Variants in UBR3 observed in about 807,000 individuals in gnomAD.
The protein encoded by UBR3 is E3 ubiquitin-protein ligase UBR3.
A neutral mutation model predicts 243.2 loss-of-function variants in UBR3; 85 were observed. That is an observed-to-expected ratio of 0.35 (90% CI 0.29 to 0.42). The LOEUF (loss-of-function observed/expected upper bound fraction) is 0.42, where lower values mean the gene tolerates loss of function less well. Ranked by LOEUF, UBR3 falls within the 10% of genes least tolerant of loss-of-function variation. UBR3 has a pLI of 1.00. For synonymous variants in UBR3, 748 were observed against 799.8 expected, an observed-to-expected ratio of 0.94 and a Z score of 1.09; for missense variants, 1,686 against 2,300.8, an observed-to-expected ratio of 0.73 and a Z score of 5.47.
At chr2:169,873,512 T>C (rs1048953530) in intron 2 of UBR3, among the ~76,000 whole-genome samples, 15 of 151,946 alleles carry the variant, frequency 9.9e-5, no homozygotes, top group African/African-American at 3.6e-4. Flanking sequence ...TTACAAACAT[T>C]TTTAAAAGTT....
intron 5 of UBR3, among the ~76,000 whole-genome samples, chr2:169,881,096 G>A (rs2083802963): frequency 1.3e-5 from 2 of 152,084 alleles, no homozygotes; most frequent in African/African-American, 4.8e-5. Context: ...CATTGTTTTT[G>A]TTATAGCTGA....
rs558058541 is a variant in UBR3, at chr2:169,842,269, G to C, written c.545+14217G>C. 7.8e-4 allele frequency among the ~76,000 whole-genome samples: 119 copies of C among 152,162 alleles called. 1 individual carries two copies. In the Middle Eastern group the frequency reaches 0.017, roughly 22 times the overall value. On this transcript the variant is annotated intron_variant, in intron 1 of 38. Coordinates refer to ENST00000272793, the MANE Select transcript of UBR3 (RefSeq NM_172070.4). ...TGGGGCCTTGGAGAACCTGTGTGTCGAAACTCTGTATCTAACTAATCTGAT... is the reference window on the plus strand; with the variant it reads ...TGGGGCCTTGGAGAACCTGTGTGTCCAAACTCTGTATCTAACTAATCTGAT...
intron 24 of UBR3, among the ~76,000 whole-genome samples, chr2:169,974,115 A>G (rs2088307990): frequency 6.6e-6 from 1 of 152,170 alleles, no homozygotes; most frequent in Admixed American, 6.5e-5. Context: ...TGTGTTCATC[A>G]GGGATATTGG....
intron 13 of UBR3, 131 bp downstream of exon 13, chr2:169,924,304 A>T: frequency 4.4e-6 from 3 of 679,586 alleles, no homozygotes; most frequent in East Asian, 3.0e-5. Context: ...TTGTTATTGT[A>T]TTTTTGCTAG....
At chr2:169,929,140 A>G (rs767407418) in intron 18 of UBR3, among the ~76,000 whole-genome samples, 3 of 152,210 alleles carry the variant, frequency 2.0e-5, no homozygotes, top group East Asian at 1.9e-4. Flanking sequence ...TTTATAAGTG[A>G]TCATAACCAT....
chr2:170,022,124 C>A (rs563966740), intron 30 of UBR3, among the ~76,000 whole-genome samples: 1 of 152,256 alleles, frequency 6.6e-6, no homozygotes, highest in African/African-American at 2.4e-5. Flanking sequence ...TATGCAGAAG[C>A]AGAATTGTCC....
intron 3 of UBR3, among the ~76,000 whole-genome samples, chr2:169,876,820 T>A (rs1559047766): frequency 6.6e-6 from 1 of 152,150 alleles, no homozygotes; most frequent in Non-Finnish European, 1.5e-5. Flanking sequence ...AGCCTTGGCC[T>A]CCTAAAGTGC....
At chr2:169,903,782 A>G (rs967595759) in intron 8 of UBR3, among the ~76,000 whole-genome samples, 1 of 152,146 alleles carries the variant, frequency 6.6e-6, no homozygotes, top group Non-Finnish European at 1.5e-5. Context: ...GCTACTGAGG[A>G]GGCTGAGGTG....
intron 35 of UBR3, among the ~76,000 whole-genome samples, chr2:170,068,204 C>G: frequency 6.6e-6 from 1 of 152,130 alleles, no homozygotes; most frequent in East Asian, 1.9e-4. Context: ...GGCACAGTGG[C>G]TTTCGTCTGT....
intron 1 of UBR3, among the ~76,000 whole-genome samples, chr2:169,865,404 C>T (rs373911451): frequency 1.6e-4 from 24 of 152,118 alleles, no homozygotes; most frequent in African/African-American, 4.1e-4. Flanking sequence ...ACAGTTCTGC[C>T]GTACTGACAC....
intron 25 of UBR3, among the ~76,000 whole-genome samples, chr2:169,989,874 T>C (rs932711030): frequency 3.3e-5 from 5 of 152,210 alleles, no homozygotes; most frequent in East Asian, 1.9e-4. Context: ...TGAGAGCTTA[T>C]TCGAGTTGTC....
intron 36 of UBR3, chr2:170,078,061 G>A: frequency 5.9e-6 from 4 of 676,830 alleles, no homozygotes; most frequent in Non-Finnish European, 1.1e-5. Flanking sequence ...TCCCTGTGGA[G>A]TCTTTCTTTT....
Position 169,907,912 on chromosome 2 carries a change from C to A in UBR3, c.1779+1748C>A, listed in dbSNP as rs2085082187. On this transcript the variant is annotated intron_variant, in intron 10 of 38. Coordinates refer to ENST00000272793, the MANE Select transcript of UBR3 (RefSeq NM_172070.4). ...TCCACCTCCCAAGTAGCTGGGATTACAAGTGTGCACCACCATGCCTGGCTC... is the reference window on the plus strand; with the variant it reads ...TCCACCTCCCAAGTAGCTGGGATTAAAAGTGTGCACCACCATGCCTGGCTC... Among the ~76,000 whole-genome samples, 9 of 152,226 alleles carry A rather than the reference C, an allele frequency of 5.9e-5. No individual in the cohort carries two copies. In the South Asian group the frequency reaches 1.9e-3, roughly 32 times the overall value.
intron 31 of UBR3, among the ~76,000 whole-genome samples, chr2:170,031,346 A>G (rs1187700539): frequency 6.6e-6 from 1 of 152,046 alleles, no homozygotes; most frequent in African/African-American, 2.4e-5. Flanking sequence ...TTTTTACTTC[A>G]TGTATGATTT....
chr2:170,012,272 G>C (rs2090107943), intron 29 of UBR3, among the ~76,000 whole-genome samples: 1 of 152,068 alleles, frequency 6.6e-6, no homozygotes, highest in South Asian at 2.1e-4. Context: ...GAAGAGTTAG[G>C]AAAAGAAAGA....
chr2:170,080,364 T>A lies in UBR3; in HGVS notation c.5410-181T>A, dbSNP rs2091886824. On this transcript the variant is annotated intron_variant, in intron 37 of 38. Coordinates refer to ENST00000272793, the MANE Select transcript of UBR3 (RefSeq NM_172070.4). ...CTTAATTGCTTTACTAGATATTCCT[T>A]ACCCAAATACCTCCTAATGTATTAA... 6.8e-6 allele frequency: 5 copies of A among 736,568 alleles called. No homozygotes were observed. The African/African-American group carries it at 7.1e-5, about 10-fold the overall frequency. The allele number at this position is 736,568 out of a possible 1,614,324, so 45.6% of individuals were successfully genotyped here.
At chr2:170,006,589 T>C (rs2089920782) in intron 27 of UBR3, among the ~76,000 whole-genome samples, 1 of 152,194 alleles carries the variant, frequency 6.6e-6, no homozygotes, top group Non-Finnish European at 1.5e-5. Context: ...AACATGAGCA[T>C]TGGGATAATC....
At chr2:169,867,634 C>T (rs10209065) in intron 1 of UBR3, among the ~76,000 whole-genome samples, 223 of 152,268 alleles carry the variant, frequency 1.5e-3, no homozygotes, top group African/African-American at 5.1e-3. Flanking sequence ...TCCATGTATA[C>T]AACAAAAATT....
intron 1 of UBR3, among the ~76,000 whole-genome samples, chr2:169,854,281 A>C (rs1004075555): frequency 6.6e-6 from 1 of 152,254 alleles, no homozygotes; most frequent in African/African-American, 2.4e-5. Context: ...TTTAATGACA[A>C]TAGGAAGAAA....
Sources: gnomAD v4.1 joint callset for allele counts (sites outside exome capture counted in the v4.1 genomes callset) on GRCh38, gnomAD v4.1.1 for gene constraint, MANE v1.5 for transcripts, NCBI Gene and HGNC (gene_info 2026-07-23, HGNC 2026-07-21) for gene names.